Variants in PTPRO observed in about 807,000 individuals in gnomAD.
PTPRO encodes protein tyrosine phosphatase receptor type O, also known as receptor-type tyrosine-protein phosphatase O.
Under a neutral mutation model 145.2 loss-of-function variants are expected in PTPRO, and 62 were observed. The ratio of observed to expected loss-of-function variants is 0.43; its 90% CI spans 0.35 to 0.53. PTPRO has a LOEUF of 0.53. Ranked by LOEUF, PTPRO falls within the 20% of genes least tolerant of loss-of-function variation. The pLI, the probability that PTPRO is intolerant of heterozygous loss-of-function variation, is 0.01. For missense variants in PTPRO, 1,345 were observed against 1,482.7 expected (o/e 0.91, Z 1.53); for synonymous variants, 565 against 514.7 (o/e 1.10, Z -1.32).
chr12:15,373,159 G>T (rs1413119154), intron 1 of PTPRO, among the ~76,000 whole-genome samples: 1 of 152,182 alleles, frequency 6.6e-6, no homozygotes, highest in African/African-American at 2.4e-5. Flanking sequence ...TAACTAAAAT[G>T]CTAGGTAAAG....
chr12:15,368,350 A>G (rs1315764377), intron 1 of PTPRO, among the ~76,000 whole-genome samples: 15 of 152,214 alleles, frequency 9.9e-5, no homozygotes, highest in Admixed American at 6.5e-5. Flanking sequence ...CACTTTATAT[A>G]AAGGTGTAAT....
intron 1 of PTPRO, among the ~76,000 whole-genome samples, chr12:15,346,012 A>C (rs2136223769): frequency 6.6e-6 from 1 of 152,296 alleles, no homozygotes; most frequent in Admixed American, 6.5e-5. Flanking sequence ...TCCAAATCAG[A>C]AACTTTGCTT....
In PTPRO at chr12:15,559,149, T is replaced by C. The variant is rs182224870; in HGVS notation, c.2628-1044T>C. ...ACTTGTGACTCATGAGAGATAGATA[T>C]TAACTAACTTCACAGCCAGTCACAA... is the stretch of plus-strand genomic sequence containing the variant. On this transcript the variant is annotated intron_variant, in intron 16 of 26. Transcript: ENST00000281171. Among the ~76,000 whole-genome samples, 3 of 152,268 alleles carry C rather than the reference T, an allele frequency of 2.0e-5. No homozygotes were observed. In the East Asian group the frequency reaches 5.8e-4, roughly 29 times the overall value.
chr12:15,522,698 G>T (rs1482564681), intron 10 of PTPRO, among the ~76,000 whole-genome samples: 1 of 152,136 alleles, frequency 6.6e-6, no homozygotes, highest in African/African-American at 2.4e-5. Flanking sequence ...TACCATCTTT[G>T]TTAGGCAATT....
chr12:15,373,056 A>G (rs796996012), intron 1 of PTPRO, among the ~76,000 whole-genome samples: 18 of 152,324 alleles, frequency 1.2e-4, no homozygotes, highest in African/African-American at 4.1e-4. Context: ...GTGTTTCCAG[A>G]TGTTTTACAT....
In PTPRO at chr12:15,322,845, C is replaced by T. The variant is rs751237661; in HGVS notation, c.75+44C>T. 1 of 1,583,580 alleles carries T rather than the reference C, an allele frequency of 6.3e-7. No individual in the cohort carries two copies. The highest frequency in any genetic ancestry group is 1.7e-5 in the Admixed American group (1 of 57,362). ...CCCTTTTTCCCAGCGGTCCGGGCGGCAGCCGCGCTCCGGCGCCCTCGCTCT... is the reference window on the plus strand; with the variant it reads ...CCCTTTTTCCCAGCGGTCCGGGCGGTAGCCGCGCTCCGGCGCCCTCGCTCT... On this transcript the variant is annotated intron_variant, in intron 1 of 26. Coordinates refer to ENST00000281171, the MANE Select transcript of PTPRO (RefSeq NM_030667.3). The surrounding 1 kb of genome is among the most constrained non-coding windows in gnomAD (Gnocchi z 6.3).
At chr12:15,530,301 C>G (rs556060389) in intron 12 of PTPRO, among the ~76,000 whole-genome samples, 1 of 152,286 alleles carries the variant, frequency 6.6e-6, no homozygotes, top group South Asian at 2.1e-4. Flanking sequence ...ACACCCCACT[C>G]TCAGTAACGT....
In PTPRO at chr12:15,382,730, T is replaced by C. The variant is rs1020717962; in HGVS notation, c.75+59929T>C. ...GGAGTTAAAGGCAGTATAAAGAAGCTTGATTATAATCACTTACAAAAACCT... is the reference window on the plus strand; with the variant it reads ...GGAGTTAAAGGCAGTATAAAGAAGCCTGATTATAATCACTTACAAAAACCT... On this transcript the variant is annotated intron_variant, in intron 1 of 26. Transcript: ENST00000281171. Among the ~76,000 whole-genome samples the C allele has an allele frequency of 9.8e-5, 15 of 152,366 alleles. 1 individual carries two copies. Among genetic ancestry groups the C allele is most frequent in the South Asian group, 4.1e-4 (2 of 4,832 alleles).
chr12:15,415,147 T>C (rs532400881), intron 1 of PTPRO, among the ~76,000 whole-genome samples: 119 of 152,208 alleles, frequency 7.8e-4, no homozygotes, highest in Non-Finnish European at 1.5e-3. Flanking sequence ...AATTCACGCG[T>C]CACATGAGAA....
rs565549911 is a variant in PTPRO, at chr12:15,478,514, T to C, written c.76-5460T>C. Among the ~76,000 whole-genome samples the C allele has an allele frequency of 7.9e-5, 12 of 152,170 alleles. No individual in the cohort carries two copies. The South Asian group carries it at 2.5e-3, about 32-fold the overall frequency. ...AACAATCTAAGATCAATTTTTCTTT[T>C]TAAGGATTACAAACCTTTGCGCATG... On this transcript the variant is annotated intron_variant, in intron 1 of 26. Transcript: ENST00000281171.
intron 1 of PTPRO, among the ~76,000 whole-genome samples, chr12:15,474,668 A>G (rs1941616415): frequency 6.6e-6 from 1 of 152,242 alleles, no homozygotes; most frequent in South Asian, 2.1e-4. Context: ...TTCATCTCAA[A>G]AAAAGTTTTA....
intron 1 of PTPRO, among the ~76,000 whole-genome samples, chr12:15,355,776 A>C: frequency 6.6e-6 from 1 of 152,342 alleles, no homozygotes. Context: ...TGTAAGTATA[A>C]ACTAAAGTTT....
At chr12:15,358,182 A>G (rs1338500751) in intron 1 of PTPRO, among the ~76,000 whole-genome samples, 12 of 141,194 alleles carry the variant, frequency 8.5e-5, no homozygotes, top group Non-Finnish European at 1.5e-4. Context: ...GAATTGACCA[A>G]TGAGAACACA....
intron 1 of PTPRO, among the ~76,000 whole-genome samples, chr12:15,412,926 C>CA (rs1939840073): frequency 6.6e-6 from 1 of 151,794 alleles, no homozygotes; most frequent in Non-Finnish European, 1.5e-5. Context: ...CCCAAGTAGA[C>CA]AGGATTACAG....
chr12:15,408,875 T>A (rs931064936), intron 1 of PTPRO, among the ~76,000 whole-genome samples: 8 of 152,170 alleles, frequency 5.3e-5, no homozygotes, highest in African/African-American at 1.9e-4. Flanking sequence ...AGTATAGATA[T>A]AAACATTTGT....
At chr12:15,429,727 TAC>T (rs1940381483) in intron 1 of PTPRO, among the ~76,000 whole-genome samples, 1 of 152,202 alleles carries the variant, frequency 6.6e-6, no homozygotes, top group African/African-American at 2.4e-5. Flanking sequence ...ACCTGTTTTA[TAC>T]ATTGAAAAAT....
In PTPRO at chr12:15,597,574, C is replaced by T. The variant is rs1019991577; in HGVS notation, c.*1501C>T. Among the ~76,000 whole-genome samples the T allele has an allele frequency of 6.6e-6, 1 of 152,134 alleles. No homozygotes were observed. The highest frequency in any genetic ancestry group is 2.4e-5 in the African/African-American group (1 of 41,410). On this transcript the variant is annotated 3_prime_UTR_variant, in exon 27 of 27. Transcript: ENST00000281171. ...GTGTTGGTGAAGGATGCCAAATGAA[C>T]AGCTCTGCACCCCACCGTCTCTTGT... is the stretch of plus-strand genomic sequence containing the variant.
intron 1 of PTPRO, among the ~76,000 whole-genome samples, chr12:15,443,126 G>A (rs1289636237): frequency 6.6e-6 from 1 of 152,032 alleles, no homozygotes; most frequent in Non-Finnish European, 1.5e-5. Context: ...AAAGAGACAC[G>A]TAGACCAATG....
At chr12:15,416,117 G>A (rs1268530068) in intron 1 of PTPRO, among the ~76,000 whole-genome samples, 2 of 151,610 alleles carry the variant, frequency 1.3e-5, no homozygotes, top group East Asian at 3.9e-4. Context: ...CTGCACCTAG[G>A]AGAGTGTCTA....
Sources: gnomAD v4.1 joint callset for allele counts (sites outside exome capture counted in the v4.1 genomes callset) on GRCh38, gnomAD v4.1.1 for gene constraint, Gnocchi (gnomAD v3.1) non-coding constraint, MANE v1.5 for transcripts, NCBI Gene and HGNC (gene_info 2026-07-23, HGNC 2026-07-21) for gene names.